Variants in TFAP2C observed in about 807,000 individuals in gnomAD.
TFAP2C encodes transcription factor AP-2 gamma.
Under a neutral mutation model 42.9 loss-of-function variants are expected in TFAP2C, and 9 were observed. The ratio of observed to expected loss-of-function variants is 0.21; its 90% CI spans 0.13 to 0.37. The LOEUF is 0.37. TFAP2C is among the 10% of genes least tolerant of loss of function. The pLI, the probability that TFAP2C is intolerant of heterozygous loss-of-function variation, is 1.00. For missense variants in TFAP2C, 462 were observed against 591.7 expected (o/e 0.78, Z 2.27); for synonymous variants, 264 against 256.0 (o/e 1.03, Z -0.30).
chr20:56,631,025 T>C lies in TFAP2C; in HGVS notation c.49-180T>C, dbSNP rs1355441951. On this transcript the variant is annotated intron_variant, in intron 1 of 6. Transcript: ENST00000201031. The surrounding 1 kb of genome is among the most constrained non-coding windows in gnomAD (Gnocchi z 6.1). ...GACTCTCCTCCCTCCCCGCACTCTT[T>C]GCTTACAACGAAATCCTCGGGGCGC... 1 of 985,178 alleles carries C rather than the reference T, an allele frequency of 1.0e-6. No individual in the cohort carries two copies. The highest frequency in any genetic ancestry group is 1.2e-6 in the Non-Finnish European group (1 of 829,860). The allele number at this position is 985,178 out of a possible 1,614,324, so 61.0% of individuals were successfully genotyped here. A position where few individuals can be genotyped will look rare whatever the true frequency, so the allele number is the denominator to read the frequency against.
At chr20:56,634,010 T>C in intron 4 of TFAP2C, 140 bp from the exon 5 acceptor site, 1 of 668,020 alleles carries the variant, frequency 1.5e-6, no homozygotes, top group Non-Finnish European at 2.7e-6. Flanking sequence ...CACTTTTCAT[T>C]ATGGTTCACG....
Position 56,631,397 on chromosome 20 carries a change from G to A in TFAP2C, c.241G>A (p.Glu81Lys). ...GGCCGACCCCTACTCGCATCTGGGGGAAGCGTACGCCGCCGCCATCAACCC... is the reference window on the plus strand; with the variant it reads ...GGCCGACCCCTACTCGCATCTGGGGAAAGCGTACGCCGCCGCCATCAACCC... ...QSADPYSHLG[E>K]AYAAAINPLH... Residue 81 changes from glutamate (E) to lysine (K), a missense_variant, in exon 2 of 7, where the codon GAA becomes AAA. Physicochemically the swap from Glu to Lys is moderately conservative, Grantham distance 56. Around this residue, in one of 5 missense-constraint regions of TFAP2C, gnomAD observed 271 missense variants for 269.7 expected, o/e 1.00. Coordinates refer to ENST00000201031, the MANE Select transcript of TFAP2C (RefSeq NM_003222.4). The surrounding 1 kb of genome is among the most constrained non-coding windows in gnomAD (Gnocchi z 6.1). The A allele has an allele frequency of 6.2e-7, 1 of 1,609,304 alleles. No individual in the cohort carries two copies. The highest frequency in any genetic ancestry group is 1.1e-5 in the South Asian group (1 of 90,260).
In TFAP2C at chr20:56,631,195, T is replaced by A. The variant is rs761786807; in HGVS notation, c.49-10T>A. The A allele has an allele frequency of 6.7e-7, 1 of 1,497,498 alleles. No individual in the cohort carries two copies. The highest frequency in any genetic ancestry group is 8.9e-7 in the Non-Finnish European group (1 of 1,126,400). The allele number at this position is 1,497,498 out of a possible 1,614,324, so 92.8% of individuals were successfully genotyped here. On this transcript the variant is annotated splice_polypyrimidine_tract_variant and intron_variant, in intron 1 of 6. Transcript: ENST00000201031. This position sits in a 1 kb window ranked among gnomAD's most constrained non-coding sequence, Gnocchi z 6.1. ...CTAACGGGGTCTCCTGTTTTTTTTT[T>A]TCCCTCCAGGATCGCCACGACGGGA...
intron 6 of TFAP2C, 136 bp from the exon 7 acceptor site, chr20:56,637,592 A>T (rs1041030033): frequency 5.7e-5 from 40 of 700,592 alleles, no homozygotes; most frequent in Middle Eastern, 4.0e-4. Context: ...GTTGGCTATT[A>T]GTATTAAATT....
intron 3 of TFAP2C, among the ~76,000 whole-genome samples, chr20:56,632,873 G>C (rs532923588): frequency 1.3e-5 from 2 of 151,916 alleles, no homozygotes; most frequent in Non-Finnish European, 2.9e-5. Flanking sequence ...AACTTCCCAA[G>C]GTGTTAACTT....
Position 56,638,504 on chromosome 20 carries a change from A to G in TFAP2C, c.*491A>G, listed in dbSNP as rs1271854980. The G allele has an allele frequency of 6.4e-6, 1 of 157,092 alleles. No individual in the cohort carries two copies. Among genetic ancestry groups the G allele is most frequent in the Non-Finnish European group, 1.4e-5 (1 of 70,678 alleles). 9.7% of individuals were successfully genotyped at this position (157,092 alleles called of 1,614,324 possible). A position where few individuals can be genotyped will look rare whatever the true frequency, so the allele number is the denominator to read the frequency against. On this transcript the variant is annotated 3_prime_UTR_variant, in exon 7 of 7. Transcript: ENST00000201031. ...AGAAAAGTGTGTATCTAGCTTCTTC[A>G]GAGATCAAGTCCTCTGGTAGGAGGC...
chr20:56,633,361 T>C lies in TFAP2C; in HGVS notation c.595T>C (p.Ser199Pro), dbSNP rs761973154. ...DQTVIRKGPI[S>P]MTKNPLNLPC... is the part of the protein sequence containing the mutation. ...CTGACCTTCATTCACAGGTCCCATT[T>C]CCATGACCAAGAACCCTCTGAACCT... The change falls in exon 4 of 7, where the codon TCC (serine) becomes CCC (proline). Residue 199 changes from serine (S) to proline (P), a missense_variant. By Grantham distance (74) the Ser-to-Pro change is moderately conservative (BLOSUM62 -1). Transcript: ENST00000201031. 3 of 1,612,524 alleles carry C rather than the reference T, an allele frequency of 1.9e-6. No homozygotes were observed. Among genetic ancestry groups the C allele is most frequent in the Non-Finnish European group, 8.5e-7 (1 of 1,179,244 alleles).
At chr20:56,634,020 G>A in intron 4 of TFAP2C, 130 bp from the exon 5 acceptor site, 5 of 686,042 alleles carry the variant, frequency 7.3e-6, no homozygotes, top group South Asian at 3.6e-5. Context: ...TATGGTTCAC[G>A]TGATGTAGAT....
In TFAP2C at chr20:56,631,526, C is replaced by T; in HGVS notation, c.370C>T (p.Leu124=). The T allele has an allele frequency of 1.3e-6, 2 of 1,519,254 alleles. No homozygotes were observed. Among genetic ancestry groups the T allele is most frequent in the Non-Finnish European group, 1.8e-6 (2 of 1,140,994 alleles). 94.1% of individuals were successfully genotyped at this position (1,519,254 alleles called of 1,614,324 possible). A position where few individuals can be genotyped will look rare whatever the true frequency, so the allele number is the denominator to read the frequency against. ...CTCGCACCACGGGCGCCCGGCCGGC[C>T]TACTGCCCCACCTCTCCGGGCTGGA... ...LPSHHGRPAG[L]LPHLSGLEAG... is the part of the protein sequence containing the mutation. The change falls in exon 2 of 7, where the codon CTA becomes TTA. Residue 124 remains leucine (L), a synonymous_variant. Coordinates refer to ENST00000201031, the MANE Select transcript of TFAP2C (RefSeq NM_003222.4). This position sits in a 1 kb window ranked among gnomAD's most constrained non-coding sequence, Gnocchi z 6.1.
chr20:56,636,573 C>A (rs1188533184), intron 5 of TFAP2C, 37 bp from the exon 6 acceptor site: 4 of 1,582,520 alleles, frequency 2.5e-6, no homozygotes, highest in Admixed American at 3.8e-5. Flanking sequence ...GCCTCAGTGA[C>A]CACAGCCATC....
Position 56,631,609 on chromosome 20 carries a change from C to T in TFAP2C, c.453C>T (p.Pro151=). 4 of 1,565,148 alleles carry T rather than the reference C, an allele frequency of 2.6e-6. No individual in the cohort carries two copies. Among genetic ancestry groups the T allele is most frequent in the Non-Finnish European group, 3.4e-6 (4 of 1,162,810 alleles). ...ACCGCCGCTCCGACCTGCTGCTGCC[C>T]CACGCACACGCCCTGGATGCCGCGG... ...DAYRRSDLLL[P]HAHALDAAGL... The change falls in exon 2 of 7, where the codon CCC becomes CCT. Residue 151 remains proline (P), a synonymous_variant. Coordinates refer to ENST00000201031, the MANE Select transcript of TFAP2C (RefSeq NM_003222.4). This position sits in a 1 kb window ranked among gnomAD's most constrained non-coding sequence, Gnocchi z 6.1.
rs889149518 is a variant in TFAP2C, at chr20:56,630,555, T to A, written c.49-650T>A. Among the ~76,000 whole-genome samples, 1 of 152,054 alleles carries A rather than the reference T, an allele frequency of 6.6e-6. No homozygotes were observed. Among genetic ancestry groups the A allele is most frequent in the Non-Finnish European group, 1.5e-5 (1 of 67,964 alleles). On this transcript the variant is annotated intron_variant, in intron 1 of 6. Coordinates refer to ENST00000201031, the MANE Select transcript of TFAP2C (RefSeq NM_003222.4). The surrounding 1 kb of genome is among the most constrained non-coding windows in gnomAD (Gnocchi z 5.1). ...TGGCAGTGCAGGGCGCCCCCACTTA[T>A]TACTCCCCTCGGCTGGGCCCGGCCA...
chr20:56,630,784 C>T lies in TFAP2C; in HGVS notation c.49-421C>T, dbSNP rs1987473194. 2.0e-6 allele frequency: 2 copies of T among 985,298 alleles called. No homozygotes were observed. The highest frequency in any genetic ancestry group is 2.4e-6 in the Non-Finnish European group (2 of 829,938). The allele number at this position is 985,298 out of a possible 1,614,324, so 61.0% of individuals were successfully genotyped here. A position where few individuals can be genotyped will look rare whatever the true frequency, so the allele number is the denominator to read the frequency against. The stretch of plus-strand genomic sequence containing the variant: ...GCCGCGCTGCCACCTCCAGCAGTCC[C>T]TGCGTCATGGGCGGGCTCCACGAGA... On this transcript the variant is annotated intron_variant, in intron 1 of 6. Transcript: ENST00000201031. This position sits in a 1 kb window ranked among gnomAD's most constrained non-coding sequence, Gnocchi z 5.1.
In TFAP2C at chr20:56,637,018, A is replaced by G. The variant is rs1482299379; in HGVS notation, c.1067+264A>G. Among the ~76,000 whole-genome samples the G allele has an allele frequency of 3.3e-5, 5 of 152,292 alleles. No individual in the cohort carries two copies. The East Asian group carries it at 5.8e-4, about 18-fold the overall frequency. On this transcript the variant is annotated intron_variant, in intron 6 of 6. Transcript: ENST00000201031. Reference sequence around the variant, plus strand: ...CCCAAAGTAGTTGAGCTGCCCTTTCATTATTGTGTTAGCATATCTTACAAA... The same window carrying G: ...CCCAAAGTAGTTGAGCTGCCCTTTCGTTATTGTGTTAGCATATCTTACAAA...
chr20:56,629,635 AGTCCGGGAGGCAG>A lies in TFAP2C; in HGVS notation c.48+45_48+57del. 1 of 1,372,558 alleles carries A rather than the reference AGTCCGGGAGGCAG, an allele frequency of 7.3e-7. No homozygotes were observed. Among genetic ancestry groups the A allele is most frequent in the Admixed American group, 2.9e-5 (1 of 34,110 alleles). The allele number at this position is 1,372,558 out of a possible 1,614,324, so 85.0% of individuals were successfully genotyped here. The stretch of plus-strand genomic sequence containing the variant: ...GGTGCAGCCCCGCCCCGCCGAGGAC[AGTCCGGGAGGCAG>A]GGGCCACTGGACCGAGGTCGGGGAC... On this transcript the variant is annotated intron_variant, in intron 1 of 6. Coordinates refer to ENST00000201031, the MANE Select transcript of TFAP2C (RefSeq NM_003222.4). The surrounding 1 kb of genome is among the most constrained non-coding windows in gnomAD (Gnocchi z 5.9).
intron 6 of TFAP2C, among the ~76,000 whole-genome samples, 189 bp from the exon 7 acceptor site, chr20:56,637,539 G>A (rs375175433): frequency 9.2e-5 from 14 of 152,350 alleles, no homozygotes; most frequent in Admixed American, 3.9e-4. Context: ...CTTTAAAACA[G>A]CTTAACTCAG....
At chr20:56,633,620 G>GT (rs1568752336) in intron 4 of TFAP2C, 51 bp downstream of exon 4, 1 of 1,370,080 alleles carries the variant, frequency 7.3e-7, no homozygotes, top group African/African-American at 1.4e-5. Context: ...GAAGGTGAGT[G>GT]TATCAGAGGC....
Position 56,633,423 on chromosome 20 carries a change from C to T in TFAP2C, c.657C>T (p.Asn219=), listed in dbSNP as rs939274295. 1 of 1,614,102 alleles carries T rather than the reference C, an allele frequency of 6.2e-7. No homozygotes were observed. Among genetic ancestry groups the T allele is most frequent in the Non-Finnish European group, 8.5e-7 (1 of 1,180,016 alleles). Reference sequence around the variant, plus strand: ...AGGAGCTGGTGGGGGCCGTAATGAACCCCACTGAGGTCTTCTGCTCAGTCC... The same window carrying T: ...AGGAGCTGGTGGGGGCCGTAATGAATCCCACTGAGGTCTTCTGCTCAGTCC... The part of the protein sequence containing the change: ...CQKELVGAVM[N]PTEVFCSVPG... Residue 219 remains asparagine (N), a synonymous_variant, in exon 4 of 7, where the codon AAC becomes AAT. Transcript: ENST00000201031.
rs1471203022 is a variant in TFAP2C at position 56,639,030 on chromosome 20, C to T, written c.*1017C>T. ...TCATAAGGTTTTATTCATATATATA[C>T]AGGGTATTAAGAATTAAGAGGATGC... On this transcript the variant is annotated 3_prime_UTR_variant, in exon 7 of 7. Transcript: ENST00000201031. 1 of 152,450 alleles carries T rather than the reference C, an allele frequency of 6.6e-6. No homozygotes were observed. Among genetic ancestry groups the T allele is most frequent in the Admixed American group, 6.6e-5 (1 of 15,250 alleles). 9.4% of individuals were successfully genotyped at this position (152,450 alleles called of 1,614,324 possible). A position where few individuals can be genotyped will look rare whatever the true frequency, so the allele number is the denominator to read the frequency against.
Sources: allele counts gnomAD v4.1 joint callset (sites outside exome capture counted in the v4.1 genomes callset), GRCh38; gene constraint gnomAD v4.1.1; regional missense constraint gnomAD v4.1.1; non-coding constraint Gnocchi (gnomAD v3.1); transcripts MANE v1.5; gene names NCBI Gene and HGNC (gene_info 2026-07-23, HGNC 2026-07-21).